Variants in RELN observed in about 807,000 individuals in gnomAD.
RELN encodes reelin.
In RELN, 108 loss-of-function variants were observed where a neutral mutation model predicts 427.6. The ratio of observed to expected loss-of-function variants is 0.25; its 90% CI spans 0.22 to 0.30. The LOEUF (loss-of-function observed/expected upper bound fraction) is 0.30, where lower values mean the gene tolerates loss of function less well. Ranked by LOEUF, RELN falls within the 10% of genes least tolerant of loss-of-function variation. RELN has a pLI of 1.00. For missense variants in RELN, 3,715 were observed against 4,302.8 expected (o/e 0.86, Z 3.82); for synonymous variants, 1,524 against 1,513.4 (o/e 1.01, Z -0.16).
At chr7:103,512,929 T>C (rs1829463248) in intron 50 of RELN, 2 of 152,300 alleles carry the variant, frequency 1.3e-5, no homozygotes, top group East Asian at 3.9e-4. Flanking sequence ...TTCACCCATA[T>C]TGTGTCTTTT....
chr7:103,869,563 C>A (rs1794279011), intron 2 of RELN, among the ~76,000 whole-genome samples: 1 of 151,966 alleles, frequency 6.6e-6, no homozygotes. Flanking sequence ...TTTTATTTTT[C>A]TTTAGCAATT....
At chr7:103,624,130 G>A (rs545535196) in intron 20 of RELN, among the ~76,000 whole-genome samples, 4 of 151,992 alleles carry the variant, frequency 2.6e-5, no homozygotes, top group Admixed American at 6.6e-5. Flanking sequence ...TGGGATTTTT[G>A]CCTGGGTGAC....
intron 1 of RELN, among the ~76,000 whole-genome samples, chr7:103,986,374 G>A (rs929965061): frequency 2.0e-5 from 3 of 152,032 alleles, no homozygotes; most frequent in African/African-American, 4.8e-5. Context: ...TGTTAGACTC[G>A]AAAGCTCCAG....
At chr7:103,927,953 A>G (rs1252930360) in intron 1 of RELN, among the ~76,000 whole-genome samples, 1 of 152,194 alleles carries the variant, frequency 6.6e-6, no homozygotes, top group Non-Finnish European at 1.5e-5. Flanking sequence ...TTTCTGGTAT[A>G]CAATTTCTAA....
chr7:103,608,785 AAAT>A (rs1186420289), intron 22 of RELN, among the ~76,000 whole-genome samples: 2 of 152,214 alleles, frequency 1.3e-5, no homozygotes, highest in Non-Finnish European at 2.9e-5. Context: ...TTGAGCTAGA[AAAT>A]AATAATGTAG....
chr7:103,507,302 T>G (rs1388161311), intron 51 of RELN, among the ~76,000 whole-genome samples: 1 of 152,150 alleles, frequency 6.6e-6, no homozygotes, highest in East Asian at 1.9e-4. Flanking sequence ...CCTCAGCAAA[T>G]GCAAAAGAGC....
At chr7:103,493,212 A>T (rs1828725396) in intron 57 of RELN, among the ~76,000 whole-genome samples, 1 of 152,216 alleles carries the variant, frequency 6.6e-6, no homozygotes, top group African/African-American at 2.4e-5. Flanking sequence ...AGGGCCAGAA[A>T]GGAGGTGGTG....
intron 25 of RELN, among the ~76,000 whole-genome samples, chr7:103,595,344 C>T (rs1369730183): frequency 6.6e-6 from 1 of 152,150 alleles, no homozygotes; most frequent in Non-Finnish European, 1.5e-5. Flanking sequence ...ATCTCCCACC[C>T]TTTTCCTATG....
chr7:103,979,467 T>C (rs1796946275), intron 1 of RELN, among the ~76,000 whole-genome samples: 1 of 152,254 alleles, frequency 6.6e-6, no homozygotes, highest in Admixed American at 6.5e-5. Context: ...TGCTTAGCAG[T>C]TGCTCTGCTT....
intron 20 of RELN, among the ~76,000 whole-genome samples, chr7:103,627,263 C>A (rs1029105768): frequency 6.6e-6 from 1 of 152,054 alleles, no homozygotes; most frequent in African/African-American, 2.4e-5. Flanking sequence ...CTTAATAAGA[C>A]AATATGCTCC....
At position 103,670,618 on chromosome 7, in the gene RELN, AT is replaced by A. The variant is rs949747521; in HGVS notation, c.1290-9092del. 4.6e-5 allele frequency among the ~76,000 whole-genome samples: 7 copies of A among 152,152 alleles called. No individual in the cohort carries two copies. In the South Asian group the frequency reaches 8.3e-4, roughly 18 times the overall value. On this transcript the variant is annotated intron_variant, in intron 11 of 64. Transcript: ENST00000428762. The stretch of plus-strand genomic sequence containing the variant: ...TTAACAGTGAAGAATGGGAATTAGC[AT>A]GGGGGGGAAATTTTAGACTTTTACT...
At chr7:103,840,319 T>A (rs1447367131) in intron 2 of RELN, among the ~76,000 whole-genome samples, 1 of 152,232 alleles carries the variant, frequency 6.6e-6, no homozygotes, top group Non-Finnish European at 1.5e-5. Flanking sequence ...GAACTGGGTC[T>A]TAAAGAAAAA....
chr7:103,539,388 T>C (rs1324065794), intron 44 of RELN, 61 bp from the exon 45 acceptor site: 1 of 1,553,666 alleles, frequency 6.4e-7, no homozygotes, highest in Non-Finnish European at 8.8e-7. Context: ...TGGAAAGTTC[T>C]GCCTTTTTCG....
At chr7:103,635,684 C>T in intron 18 of RELN, 98 bp from the exon 19 acceptor site, 11 of 978,366 alleles carry the variant, frequency 1.1e-5, no homozygotes, top group South Asian at 1.1e-4. Flanking sequence ...TTTCTACTCA[C>T]CCCTCTTTTA....
At chr7:103,967,360 T>G (rs1212158063) in intron 1 of RELN, among the ~76,000 whole-genome samples, 1 of 152,126 alleles carries the variant, frequency 6.6e-6, no homozygotes, top group Non-Finnish European at 1.5e-5. Flanking sequence ...AAGGGGCTCC[T>G]GATGTTGAAA....
Position 103,654,120 on chromosome 7 carries a change from C to A in RELN, c.1527G>T (p.Leu509=). The A allele has an allele frequency of 6.3e-7, 1 of 1,594,170 alleles. No homozygotes were observed. Among genetic ancestry groups the A allele is most frequent in the Non-Finnish European group, 8.6e-7 (1 of 1,162,418 alleles). The change falls in exon 13 of 65, where the codon CTG becomes CTT. Residue 509 remains leucine, a synonymous_variant. Transcript: ENST00000428762. ...KIEGRKEHIT[L]DTLSYSSYKV... ...TATATGAGGAATAGGAAAGGGTATC[C>A]AGTGTTATATGCTCTTTTCTTCCTT...
rs1013250961 is a variant in RELN at position 103,653,964 on chromosome 7, C to G, written c.1554+129G>C. 4 of 692,718 alleles carry G rather than the reference C, an allele frequency of 5.8e-6. No individual in the cohort carries two copies. In the African/African-American group the frequency reaches 7.2e-5, roughly 12 times the overall value. The allele number at this position is 692,718 out of a possible 1,614,324, so 42.9% of individuals were successfully genotyped here. A position where few individuals can be genotyped will look rare whatever the true frequency, so the allele number is the denominator to read the frequency against. On this transcript the variant is annotated intron_variant, in intron 13 of 64. Transcript: ENST00000428762. The stretch of plus-strand genomic sequence containing the variant: ...AATGTCTATTTCACTTTTAAAGAAA[C>G]CTGGCGACCTCTGGCCTGTCAGAAC...
intron 24 of RELN, 50 bp from the exon 25 acceptor site, chr7:103,596,711 C>T (rs760837081): frequency 6.5e-7 from 1 of 1,536,294 alleles, no homozygotes; most frequent in Non-Finnish European, 9.0e-7. Context: ...AGTTCTTTGG[C>T]ATTTTGTTGT....
chr7:103,656,831 T>C lies in RELN; in HGVS notation c.1442-2626A>G, dbSNP rs558674936. Reference sequence around the variant, plus strand: ...GATACTTACTATGAACCATGCACCATGTAAAATCAAGTACAAGGATTATCT... The same window carrying C: ...GATACTTACTATGAACCATGCACCACGTAAAATCAAGTACAAGGATTATCT... On this transcript the variant is annotated intron_variant, in intron 12 of 64. Transcript: ENST00000428762. 1.3e-5 allele frequency among the ~76,000 whole-genome samples: 2 copies of C among 152,192 alleles called. 1 individual carries two copies. Among genetic ancestry groups the C allele is most frequent in the African/African-American group, 4.8e-5 (2 of 41,550 alleles).
Sources: gnomAD v4.1 joint callset for allele counts (sites outside exome capture counted in the v4.1 genomes callset) on GRCh38, gnomAD v4.1.1 for gene constraint, MANE v1.5 for transcripts, NCBI Gene and HGNC (gene_info 2026-07-23, HGNC 2026-07-21) for gene names.